The following RAI14 variants were observed in gnomAD, a reference collection of about 807,000 sequenced individuals.
The protein encoded by RAI14 is retinoic acid induced 14.
RAI14 carries 45 observed loss-of-function variants against 115.4 expected under a neutral mutation model. That is an observed-to-expected ratio of 0.39 (90% confidence interval 0.31 to 0.50). The LOEUF is 0.50. RAI14 is among the 20% of genes least tolerant of loss of function. The pLI, the probability that RAI14 is intolerant of heterozygous loss-of-function variation, is 0.85. For missense variants in RAI14, 939 were observed against 1,131.2 expected (o/e 0.83, Z 2.44); for synonymous variants, 371 against 415.4 (o/e 0.89, Z 1.30).
chr5:34,677,789 T>C (rs927161687), intron 1 of RAI14, among the ~76,000 whole-genome samples: 1 of 152,108 alleles, frequency 6.6e-6, no homozygotes, highest in Non-Finnish European at 1.5e-5. Context: ...CTGCAGTCAG[T>C]TTCAACTGCT....
intron 1 of RAI14, among the ~76,000 whole-genome samples, chr5:34,662,721 A>ATTTTTTTTT (rs746930489): frequency 2.2e-5 from 2 of 91,884 alleles, no homozygotes; most frequent in African/African-American, 4.0e-5. Context: ...ATTTAAACAG[A>ATTTTTTTTT]TTTTTTTTTT....
intron 3 of RAI14, among the ~76,000 whole-genome samples, chr5:34,774,217 T>G (rs1750550246): frequency 6.6e-6 from 1 of 150,864 alleles, no homozygotes. Context: ...AGCCAGACAT[T>G]GTGGCACCTC....
At chr5:34,720,745 C>T (rs980775637) in intron 2 of RAI14, among the ~76,000 whole-genome samples, 2 of 151,908 alleles carry the variant, frequency 1.3e-5, no homozygotes, top group Non-Finnish European at 2.9e-5. Flanking sequence ...AAAGTAATAG[C>T]GCTTTCATGA....
At chr5:34,676,064 A>C (rs1371125505) in intron 1 of RAI14, among the ~76,000 whole-genome samples, 1 of 152,252 alleles carries the variant, frequency 6.6e-6, no homozygotes, top group East Asian at 1.9e-4. Context: ...TGGTAAATGT[A>C]CATTTAACTT....
intron 2 of RAI14, among the ~76,000 whole-genome samples, chr5:34,737,829 C>CA (rs1561294580): frequency 6.6e-6 from 1 of 152,106 alleles, no homozygotes; most frequent in Non-Finnish European, 1.5e-5. Flanking sequence ...TTGCTGCTTC[C>CA]AACACATTTT....
intron 2 of RAI14, among the ~76,000 whole-genome samples, chr5:34,702,225 T>G (rs1740168009): frequency 6.6e-6 from 1 of 152,224 alleles, no homozygotes. Flanking sequence ...TCCTCCTAGC[T>G]AGGGAAGAAA....
chr5:34,756,944 A>G (rs1747964706), intron 2 of RAI14, among the ~76,000 whole-genome samples: 1 of 152,218 alleles, frequency 6.6e-6, no homozygotes, highest in Non-Finnish European at 1.5e-5. Flanking sequence ...CTGGACAACT[A>G]CTTAAAATCA....
chr5:34,736,444 A>AT (rs1744890394), intron 2 of RAI14, among the ~76,000 whole-genome samples: 1 of 152,124 alleles, frequency 6.6e-6, no homozygotes, highest in East Asian at 1.9e-4. Context: ...TTTTTTTTTA[A>AT]TTCCAAACTG....
intron 2 of RAI14, among the ~76,000 whole-genome samples, chr5:34,724,816 G>A (rs1480630669): frequency 6.6e-6 from 1 of 152,134 alleles, no homozygotes; most frequent in Admixed American, 6.5e-5. Context: ...GACTATAGTT[G>A]TGGTAATATT....
intron 3 of RAI14, among the ~76,000 whole-genome samples, chr5:34,773,944 C>A (rs930640442): frequency 6.6e-6 from 1 of 152,078 alleles, no homozygotes; most frequent in Admixed American, 6.6e-5. Context: ...AGCAATCAGA[C>A]AAGAGAAAGA....
chr5:34,822,956 G>T lies in RAI14; in HGVS notation c.1114G>T (p.Ala372Ser). ...HNKELQDKLQ[A>S]KSPKEAEADL... ...TTTAATTCTTGCTTTTTTTTCCTAGGCCAAATCACCCAAGGAGGCGGAAGC... is the reference window on the plus strand; with the variant it reads ...TTTAATTCTTGCTTTTTTTTCCTAGTCCAAATCACCCAAGGAGGCGGAAGC... Residue 372 changes from alanine to serine, a missense_variant and splice_region_variant, in exon 15 of 18, where the codon GCC becomes TCC. Physicochemically the swap from Ala to Ser is moderately conservative, Grantham distance 99 (BLOSUM62 1). Coordinates refer to ENST00000265109, the MANE Select transcript of RAI14 (RefSeq NM_015577.3). The T allele has an allele frequency of 1.9e-6, 3 of 1,599,114 alleles. No homozygotes were observed. The highest frequency in any genetic ancestry group is 2.6e-6 in the Non-Finnish European group (3 of 1,174,706).
At position 34,755,903 on chromosome 5, in the gene RAI14, G is replaced by A. The variant is rs1201715672; in HGVS notation, c.37-1565G>A. 2.0e-5 allele frequency among the ~76,000 whole-genome samples: 3 copies of A among 152,294 alleles called. No individual in the cohort carries two copies. In the East Asian group the frequency reaches 5.8e-4, roughly 29 times the overall value. ...AAACTGAGGCACAGAAAGATTATGGGTGACTTCAGGTCACACAACATGTAA... is the reference window on the plus strand; with the variant it reads ...AAACTGAGGCACAGAAAGATTATGGATGACTTCAGGTCACACAACATGTAA... On this transcript the variant is annotated intron_variant, in intron 2 of 17. Coordinates refer to ENST00000265109, the MANE Select transcript of RAI14 (RefSeq NM_015577.3).
At chr5:34,743,667 A>G (rs1011891334) in intron 2 of RAI14, among the ~76,000 whole-genome samples, 1 of 151,998 alleles carries the variant, frequency 6.6e-6, no homozygotes, top group African/African-American at 2.4e-5. Flanking sequence ...GGGGTCCCCA[A>G]TTTTTTTCTT....
Position 34,826,684 on chromosome 5 carries a change from G to A in RAI14, c.2799+205G>A, listed in dbSNP as rs10461948. On this transcript the variant is annotated intron_variant, in intron 16 of 17. Coordinates refer to ENST00000265109, the MANE Select transcript of RAI14 (RefSeq NM_015577.3). ...TCCTGGTCGTTATCAGCAATGCAAC[G>A]GGTCAGATATTCACTGGGAAGGAAA... Among the ~76,000 whole-genome samples the A allele has an allele frequency of 0.27, 40,752 of 152,154 alleles. 6,648 individuals are homozygous for A. Among genetic ancestry groups the A allele is most frequent in the South Asian group, 0.43 (2,082 of 4,818 alleles).
At chr5:34,756,784 C>T (rs946740534) in intron 2 of RAI14, among the ~76,000 whole-genome samples, 2 of 152,100 alleles carry the variant, frequency 1.3e-5, no homozygotes, top group African/African-American at 2.4e-5. Context: ...TTTGCACATA[C>T]GAGTGCCTTA....
intron 4 of RAI14, among the ~76,000 whole-genome samples, chr5:34,799,505 C>G (rs984342092): frequency 3.5e-5 from 2 of 57,410 alleles, no homozygotes; most frequent in Non-Finnish European, 7.3e-5. Flanking sequence ...CACACACACA[C>G]ACACACACAC....
intron 2 of RAI14, among the ~76,000 whole-genome samples, chr5:34,691,389 G>A (rs1380651467): frequency 1.3e-5 from 2 of 152,156 alleles, no homozygotes; most frequent in East Asian, 3.8e-4. Flanking sequence ...AGAGTTCTCA[G>A]TCATCATTAT....
intron 2 of RAI14, among the ~76,000 whole-genome samples, chr5:34,707,399 G>A (rs900215134): frequency 3.3e-5 from 5 of 152,134 alleles, no homozygotes; most frequent in Non-Finnish European, 5.9e-5. Flanking sequence ...CCTGGGAGGC[G>A]GGAGGTTGCA....
At chr5:34,826,508 T>G in intron 16 of RAI14, 29 bp downstream of exon 16, 11 of 1,606,348 alleles carry the variant, frequency 6.8e-6, no homozygotes, top group Non-Finnish European at 8.5e-6. Context: ...GCTGCCTGGT[T>G]TGGGGTGGAG....
Sources: gnomAD v4.1 joint callset for allele counts (sites outside exome capture counted in the v4.1 genomes callset) on GRCh38, gnomAD v4.1.1 for gene constraint, MANE v1.5 for transcripts, NCBI Gene and HGNC (gene_info 2026-07-23, HGNC 2026-07-21) for gene names.